Variants in CCDC171 observed in about 807,000 individuals in gnomAD.
The protein encoded by CCDC171 is coiled-coil domain-containing protein 171.
A neutral mutation model predicts 168.2 loss-of-function variants in CCDC171; 177 were observed. The ratio of observed to expected loss-of-function variants is 1.05; its 90% confidence interval spans 0.93 to 1.19. The LOEUF (loss-of-function observed/expected upper bound fraction) is 1.19, where lower values mean the gene tolerates loss of function less well. Ranked by LOEUF, CCDC171 falls within the 50% of genes most tolerant of loss-of-function variation. The pLI is 0.00. For synonymous variants in CCDC171, 687 were observed against 540.8 expected (o/e 1.27, Z -3.75); for missense variants, 1,991 against 1,539.0 (o/e 1.29, Z -4.91).
At chr9:15,553,826 C>A (rs2038545133) in intron 1 of CCDC171, among the ~76,000 whole-genome samples, 1 of 151,040 alleles carries the variant, frequency 6.6e-6, no homozygotes, top group South Asian at 2.1e-4. Context: ...GAAATGGAGC[C>A]GACTTTTTGA....
At chr9:15,836,232 T>C (rs2060442882) in intron 21 of CCDC171, among the ~76,000 whole-genome samples, 1 of 152,248 alleles carries the variant, frequency 6.6e-6, no homozygotes, top group Non-Finnish European at 1.5e-5. Context: ...CCACAAGTGA[T>C]TTCTCACACA....
chr9:15,834,195 T>C (rs992237396), intron 21 of CCDC171, among the ~76,000 whole-genome samples: 4 of 152,174 alleles, frequency 2.6e-5, no homozygotes, highest in Non-Finnish European at 5.9e-5. Flanking sequence ...GTTTCAGAAA[T>C]ATTTAATTTA....
intron 3 of CCDC171, among the ~76,000 whole-genome samples, chr9:15,991,694 A>G (rs1203553231): frequency 6.6e-6 from 1 of 152,214 alleles, no homozygotes; most frequent in Non-Finnish European, 1.5e-5. Flanking sequence ...AGACTAATAA[A>G]GAATAAAAGA....
intron 3 of CCDC171, among the ~76,000 whole-genome samples, chr9:15,572,464 C>G (rs1398423769): frequency 1.3e-5 from 2 of 152,162 alleles, no homozygotes; most frequent in Non-Finnish European, 2.9e-5. Flanking sequence ...ACTCATTTAT[C>G]CTGTACACCA....
chr9:15,840,380 C>G (rs1340862853), intron 21 of CCDC171, among the ~76,000 whole-genome samples: 1 of 151,892 alleles, frequency 6.6e-6, no homozygotes, highest in Non-Finnish European at 1.5e-5. Flanking sequence ...AAAATATTGC[C>G]AGGGAATTCA....
At chr9:15,864,439 C>T (rs904086477) in intron 23 of CCDC171, among the ~76,000 whole-genome samples, 3 of 151,982 alleles carry the variant, frequency 2.0e-5, no homozygotes, top group Admixed American at 6.6e-5. Context: ...AGGTATATCT[C>T]CTAATGCTAT....
intron 24 of CCDC171, among the ~76,000 whole-genome samples, chr9:15,899,458 T>G (rs1258319128): frequency 6.6e-6 from 1 of 152,198 alleles, no homozygotes; most frequent in Non-Finnish European, 1.5e-5. Context: ...ACTATGAATC[T>G]TTAAGAGATC....
chr9:15,582,972 C>G (rs1246341320), intron 4 of CCDC171, among the ~76,000 whole-genome samples: 4 of 151,106 alleles, frequency 2.6e-5, no homozygotes, highest in Non-Finnish European at 5.9e-5. Flanking sequence ...ACCATTTGAT[C>G]CAGCATTCCC....
At chr9:16,018,228 A>G (rs771612178) in intron 3 of CCDC171, among the ~76,000 whole-genome samples, 3 of 152,170 alleles carry the variant, frequency 2.0e-5, no homozygotes, top group Non-Finnish European at 4.4e-5. Context: ...GCTAACTTGT[A>G]AAAGAAGCTA....
intron 8 of CCDC171, among the ~76,000 whole-genome samples, chr9:15,662,856 CTG>C (rs199820719): frequency 0.016 from 2,485 of 152,124 alleles, 65 homozygotes; most frequent in African/African-American, 0.055. Context: ...TGGCAGGCAC[CTG>C]TAATCCCAGC....
At chr9:15,989,808 A>C (rs1047611960) in intron 3 of CCDC171, among the ~76,000 whole-genome samples, 17 of 152,190 alleles carry the variant, frequency 1.1e-4, no homozygotes, top group Non-Finnish European at 2.4e-4. Flanking sequence ...TGATTCTGTC[A>C]ACTGGAGGAA....
At chr9:15,861,823 T>G (rs2061572337) in intron 23 of CCDC171, among the ~76,000 whole-genome samples, 1 of 152,034 alleles carries the variant, frequency 6.6e-6, no homozygotes, top group Admixed American at 6.6e-5. Flanking sequence ...ATCTGTATAT[T>G]TACCTTTGTG....
At chr9:15,719,869 A>G (rs182662206) in intron 11 of CCDC171, among the ~76,000 whole-genome samples, 6 of 151,512 alleles carry the variant, frequency 4.0e-5, no homozygotes, top group Middle Eastern at 6.8e-3. Context: ...AGAATTATAC[A>G]TTACTTTTTT....
chr9:15,916,407 T>C lies in CCDC171; in HGVS notation c.3601-3863T>C, dbSNP rs542238682. Reference sequence around the variant, plus strand: ...TTTGGCATATGTGTTTTACACAATATATTTACGTAAGATATAGAAATGAAG... The same window carrying C: ...TTTGGCATATGTGTTTTACACAATACATTTACGTAAGATATAGAAATGAAG... On this transcript the variant is annotated intron_variant, in intron 24 of 25. Transcript: ENST00000380701. Among the ~76,000 whole-genome samples, 19 of 62,912 alleles carry C rather than the reference T, an allele frequency of 3.0e-4. 1 individual carries two copies. The East Asian group carries it at 0.014, about 45-fold the overall frequency. The allele number at this position is 62,912 out of a possible 152,430, so 41.3% of individuals were successfully genotyped here. A position where few individuals can be genotyped will look rare whatever the true frequency, so the allele number is the denominator to read the frequency against.
At chr9:15,987,709 T>A (rs1448663933) in intron 3 of CCDC171, among the ~76,000 whole-genome samples, 1 of 152,246 alleles carries the variant, frequency 6.6e-6, no homozygotes, top group African/African-American at 2.4e-5. Flanking sequence ...ACAGGTTGAG[T>A]ATCCCTTATC....
chr9:15,933,682 T>C (rs1219176261), intron 25 of CCDC171, among the ~76,000 whole-genome samples: 1 of 152,012 alleles, frequency 6.6e-6, no homozygotes, highest in Admixed American at 6.6e-5. Context: ...TGGTACGATA[T>C]GTTTCCATTC....
chr9:16,034,350 C>G (rs1270564418), intron 6 of CCDC171, among the ~76,000 whole-genome samples: 1 of 152,178 alleles, frequency 6.6e-6, no homozygotes, highest in Non-Finnish European at 1.5e-5. Flanking sequence ...ATTTGACACA[C>G]ACATTTGACA....
chr9:15,708,135 AC>A (rs200885009), intron 11 of CCDC171, among the ~76,000 whole-genome samples: 2,431 of 152,360 alleles, frequency 0.016, 71 homozygotes, highest in African/African-American at 0.054. Context: ...GGCATGAGCC[AC>A]TGCACCCCCA....
In CCDC171 at chr9:15,720,420, T is replaced by G. The variant is rs182637967; in HGVS notation, c.1319-1349T>G. On this transcript the variant is annotated intron_variant, in intron 11 of 25. Transcript: ENST00000380701. ...GAGGCTATACCTTTCTTGTTTATCT[T>G]TGTATGCATAATGCCTAAGATTAGT... Among the ~76,000 whole-genome samples the G allele has an allele frequency of 3.0e-4, 46 of 152,300 alleles. 1 individual carries two copies. Among genetic ancestry groups the G allele is most frequent in the African/African-American group, 9.4e-4 (39 of 41,578 alleles).
Sources: allele counts gnomAD v4.1 joint callset (sites outside exome capture counted in the v4.1 genomes callset), GRCh38; gene constraint gnomAD v4.1.1; transcripts MANE v1.5; gene names NCBI Gene and HGNC (gene_info 2026-07-23, HGNC 2026-07-21).